Variants in AHI1 observed in about 807,000 individuals in gnomAD.
AHI1 encodes the protein jouberin.
AHI1 carries 123 observed loss-of-function variants against 149.3 expected under a neutral mutation model. The ratio of observed to expected loss-of-function variants is 0.82; its 90% CI spans 0.71 to 0.96. The LOEUF (loss-of-function observed/expected upper bound fraction) is 0.96, where lower values mean the gene tolerates loss of function less well. AHI1 is among the 40% of genes least tolerant of loss of function. The pLI, the probability that AHI1 is intolerant of heterozygous loss-of-function variation, is 0.00. For missense variants in AHI1, 1,439 were observed against 1,422.7 expected (o/e 1.01, Z -0.18); for synonymous variants, 475 against 459.8 (o/e 1.03, Z -0.42).
chr6:135,478,212 G>A (rs1160679968), intron 5 of AHI1, among the ~76,000 whole-genome samples: 1 of 152,166 alleles, frequency 6.6e-6, no homozygotes, highest in African/African-American at 2.4e-5. Flanking sequence ...TTTGGAACTG[G>A]GTAACAGGCA....
rs774628957 is a variant in AHI1 at position 135,466,250 on chromosome 6, G to A, written c.313C>T (p.Gln105Ter). 12 of 1,613,926 alleles carry A rather than the reference G, an allele frequency of 7.4e-6. No individual in the cohort carries two copies. In the South Asian group the frequency reaches 1.3e-4, roughly 18 times the overall value. ...CCATTAGGATTTTCAGTTGCTAACT[G>A]TGTGTTCCTCAATTTGTTTTTAGTG... Reference protein sequence around the residue: ...RVTKNKLRNTQLATENPNGDA... With the variant: ...RVTKNKLRNT The change falls in exon 7 of 29, where the codon CAG becomes TAG. Residue 105 changes from glutamine to a stop codon, truncating the protein, a stop_gained. Transcript: ENST00000265602. LOFTEE classifies it high-confidence loss of function.
Position 135,455,876 on chromosome 6 carries a change from A to C in AHI1, c.1202T>G (p.Leu401Arg). ...YYEKENVDYILPIMTQPYDFK... is the reference protein window; with the variant it reads ...YYEKENVDYIRPIMTQPYDFK... ...ATCATATGGCTGGGTCATAATAGGA[A>C]GAATATAATCCACATTCTCTTTTTC... The change falls in exon 10 of 29, where the codon CTT (leucine) becomes CGT (arginine). Residue 401 changes from leucine to arginine, a missense_variant. Transcript: ENST00000265602. 6.3e-7 allele frequency: 1 copy of C among 1,579,314 alleles called. No homozygotes were observed. The highest frequency in any genetic ancestry group is 8.6e-7 in the Non-Finnish European group (1 of 1,157,704).
rs371388098 is a variant in AHI1, at chr6:135,431,099, T to G, written c.2373+109A>C. ...TTGATAACTAAGAAAAACTGTTAAT[T>G]TTTTGAAATGAGAGAACAGAATGTC... On this transcript the variant is annotated intron_variant, in intron 17 of 28. Transcript: ENST00000265602. The G allele has an allele frequency of 4.2e-5, 29 of 689,110 alleles. 1 individual carries two copies. The highest frequency in any genetic ancestry group is 1.4e-4 in the East Asian group (5 of 34,656). 42.7% of individuals were successfully genotyped at this position (689,110 alleles called of 1,614,324 possible).
At position 135,285,198 on chromosome 6, in the gene AHI1, A is replaced by T. The variant is rs886061106; in HGVS notation, c.*447T>A. On this transcript the variant is annotated 3_prime_UTR_variant, in exon 29 of 29. Transcript: ENST00000265602. The stretch of plus-strand genomic sequence containing the variant: ...GCTGCTTATCTTTTAAATAAAGTGA[A>T]TTTCAAAAACAGATACTTCATATTC... 17 of 173,668 alleles carry T rather than the reference A, an allele frequency of 9.8e-5. No individual in the cohort carries two copies. Among genetic ancestry groups the T allele is most frequent in the Non-Finnish European group, 1.8e-4 (15 of 81,122 alleles). The allele number at this position is 173,668 out of a possible 1,614,324, so 10.8% of individuals were successfully genotyped here. A position where few individuals can be genotyped will look rare whatever the true frequency, so the allele number is the denominator to read the frequency against.
intron 5 of AHI1, among the ~76,000 whole-genome samples, chr6:135,480,390 G>A (rs186265970): frequency 6.6e-6 from 1 of 152,092 alleles, no homozygotes; most frequent in Admixed American, 6.5e-5. Context: ...CCCAGGAGGT[G>A]AAGGCTGCAG....
At chr6:135,435,001 A>G (rs763544443) in intron 15 of AHI1, among the ~76,000 whole-genome samples, 6 of 152,182 alleles carry the variant, frequency 3.9e-5, no homozygotes, top group Non-Finnish European at 8.8e-5. Context: ...AGTGGGAAAT[A>G]CTTAGGAGAC....
In AHI1 at chr6:135,457,558, G is replaced by A; in HGVS notation, c.1087C>T (p.His363Tyr). ...DRLKSDFMISHPMVKIHVVDE... is the reference protein window; with the variant it reads ...DRLKSDFMISYPMVKIHVVDE... ...ACCACATGAATTTTTACCATTGGGTGAGAAATCATAAAATCTGACTTAAGT... is the reference window on the plus strand; with the variant it reads ...ACCACATGAATTTTTACCATTGGGTAAGAAATCATAAAATCTGACTTAAGT... The change falls in exon 9 of 29, where the codon CAC becomes TAC. Residue 363 changes from histidine (H) to tyrosine (Y), a missense_variant. Coordinates refer to ENST00000265602, the MANE Select transcript of AHI1 (RefSeq NM_001134831.2). 3.1e-6 allele frequency: 5 copies of A among 1,613,910 alleles called. No individual in the cohort carries two copies. Among genetic ancestry groups the A allele is most frequent in the Non-Finnish European group, 3.4e-6 (4 of 1,179,856 alleles).
At chr6:135,364,019 G>A (rs571555167) in intron 23 of AHI1, among the ~76,000 whole-genome samples, 1,493 of 147,604 alleles carry the variant, frequency 0.01, 6 homozygotes, top group African/African-American at 0.035. Flanking sequence ...AGGGGCGGCC[G>A]GGCAGAGGCG....
intron 5 of AHI1, among the ~76,000 whole-genome samples, chr6:135,471,389 T>C (rs1217990234): frequency 1.3e-5 from 2 of 152,222 alleles, no homozygotes; most frequent in Non-Finnish European, 1.5e-5. Flanking sequence ...AGCATTACAC[T>C]GACATTTTCA....
At chr6:135,391,718 TA>T (rs202157226) in intron 23 of AHI1, among the ~76,000 whole-genome samples, 10 of 151,542 alleles carry the variant, frequency 6.6e-5, no homozygotes, top group African/African-American at 7.3e-5. Context: ...TAAGTATTGT[TA>T]AAAAAAAATT....
chr6:135,325,760 A>G (rs1026805966), intron 24 of AHI1, among the ~76,000 whole-genome samples: 3 of 152,194 alleles, frequency 2.0e-5, no homozygotes, highest in Non-Finnish European at 2.9e-5. Flanking sequence ...GGTGTGGTAC[A>G]AAACACAACT....
intron 23 of AHI1, among the ~76,000 whole-genome samples, chr6:135,363,577 C>T (rs1399211985): frequency 1.1e-4 from 16 of 151,562 alleles, no homozygotes; most frequent in South Asian, 2.1e-4. Flanking sequence ...ACCTCCCAGA[C>T]GGGGTGGTGG....
At chr6:135,466,705 T>C (rs1271561755) in intron 6 of AHI1, among the ~76,000 whole-genome samples, 3 of 152,328 alleles carry the variant, frequency 2.0e-5, no homozygotes, top group South Asian at 4.1e-4. Context: ...TACACTCTAA[T>C]AGATATTCGA....
chr6:135,438,709 T>A (rs1785797441), intron 14 of AHI1, among the ~76,000 whole-genome samples: 1 of 152,142 alleles, frequency 6.6e-6, no homozygotes, highest in African/African-American at 2.4e-5. Context: ...TTTTCAGTTA[T>A]AATTTTGCTA....
In AHI1 at chr6:135,411,481, T is replaced by A. The variant is rs778930773; in HGVS notation, c.2828A>T (p.His943Leu). The A allele has an allele frequency of 2.5e-6, 4 of 1,613,176 alleles. No individual in the cohort carries two copies. The highest frequency in any genetic ancestry group is 3.4e-6 in the Non-Finnish European group (4 of 1,179,480). Reference protein sequence around the residue: ...YNGTFPLPGIHQSQDALCTCP... With the variant: ...YNGTFPLPGILQSQDALCTCP... Reference sequence around the variant, plus strand: ...GGTACATAGGGCATCTTGACTTTGGTGTATTCCAGGTAATGGAAATGTTCC... The same window carrying A: ...GGTACATAGGGCATCTTGACTTTGGAGTATTCCAGGTAATGGAAATGTTCC... Residue 943 changes from histidine to leucine, a missense_variant, in exon 21 of 29, where the codon CAC becomes CTC. Coordinates refer to ENST00000265602, the MANE Select transcript of AHI1 (RefSeq NM_001134831.2).
rs750431160 is a variant in AHI1, at chr6:135,481,745, G to A, written c.135+8878C>T. 4.2e-5 allele frequency among the ~76,000 whole-genome samples: 6 copies of A among 141,258 alleles called. No homozygotes were observed. The Admixed American group carries it at 4.3e-4, about 10-fold the overall frequency. 92.7% of individuals were successfully genotyped at this position (141,258 alleles called of 152,430 possible). On this transcript the variant is annotated intron_variant, in intron 5 of 28. Coordinates refer to ENST00000265602, the MANE Select transcript of AHI1 (RefSeq NM_001134831.2). Reference sequence around the variant, plus strand: ...CACTTTTTTATACTACAGGTTTACTGACAAATTCTTTCAGCTTTTGTGCAC... The same window carrying A: ...CACTTTTTTATACTACAGGTTTACTAACAAATTCTTTCAGCTTTTGTGCAC...
chr6:135,477,063 C>CA (rs1390154586), intron 5 of AHI1, among the ~76,000 whole-genome samples: 2 of 148,404 alleles, frequency 1.3e-5, no homozygotes, highest in Non-Finnish European at 3.0e-5. Flanking sequence ...TTTTTTGAGA[C>CA]AGAGTCTCGC....
At chr6:135,413,356 C>T (rs1466883324) in intron 20 of AHI1, among the ~76,000 whole-genome samples, 1 of 151,872 alleles carries the variant, frequency 6.6e-6, no homozygotes, top group Admixed American at 6.6e-5. Context: ...AAATAAACTA[C>T]CACAACAAAA....
Position 135,438,441 on chromosome 6 carries a change from A to G in AHI1, c.1970T>C (p.Ile657Thr). 6.4e-7 allele frequency: 1 copy of G among 1,560,330 alleles called. No individual in the cohort carries two copies. Among genetic ancestry groups the G allele is most frequent in the Non-Finnish European group, 8.7e-7 (1 of 1,150,588 alleles). ...ATCTTTTGACCAGGAAAGATCATAA[A>G]TGATATTGAGGTGGCCACACAATTC... ...MRELCGHLNIIYDLSWSKDDH... is the reference protein window; with the variant it reads ...MRELCGHLNITYDLSWSKDDH... The change falls in exon 15 of 29, where the codon ATT (isoleucine) becomes ACT (threonine). Residue 657 changes from isoleucine to threonine, a missense_variant. Ile to Thr is a moderately conservative substitution (Grantham distance 89). Coordinates refer to ENST00000265602, the MANE Select transcript of AHI1 (RefSeq NM_001134831.2).
Sources: allele counts gnomAD v4.1 joint callset (sites outside exome capture counted in the v4.1 genomes callset), GRCh38; gene constraint gnomAD v4.1.1; transcripts MANE v1.5; gene names NCBI Gene and HGNC (gene_info 2026-07-23, HGNC 2026-07-21).